RBP2: variants seen among roughly 807,000 people sequenced by gnomAD.
RBP2 encodes the protein retinol binding protein 2.
A neutral mutation model predicts 17.0 loss-of-function variants in RBP2; 17 were observed. That is an observed-to-expected ratio of 1.00 (90% CI 0.68 to 1.50). The LOEUF is 1.50. Among genes scored for constraint, RBP2 ranks in the 40% most tolerant of loss-of-function variants. RBP2 has a pLI of 0.00. For synonymous variants in RBP2, 48 were observed against 57.1 expected (o/e 0.84, Z 0.72); for missense variants, 158 against 168.2 (o/e 0.94, Z 0.33).
chr3:139,471,970 T>G (rs1387213102), intron 1 of RBP2, among the ~76,000 whole-genome samples: 1 of 152,228 alleles, frequency 6.6e-6, no homozygotes, highest in Non-Finnish European at 1.5e-5. Flanking sequence ...GCACACTGAC[T>G]TAAAGATCCT....
At chr3:139,471,186 C>T (rs941896414) in intron 1 of RBP2, among the ~76,000 whole-genome samples, 2 of 152,202 alleles carry the variant, frequency 1.3e-5, no homozygotes, top group African/African-American at 4.8e-5. Context: ...CCTGATTTGT[C>T]ATAGGTGCTC....
chr3:139,455,831 CT>C (rs1167366163), intron 2 of RBP2, among the ~76,000 whole-genome samples: 1 of 152,232 alleles, frequency 6.6e-6, no homozygotes, highest in Non-Finnish European at 1.5e-5. Context: ...AGAACATGTG[CT>C]GAACAGCCAG....
intron 1 of RBP2, among the ~76,000 whole-genome samples, chr3:139,469,342 G>A (rs1933470801): frequency 6.6e-6 from 1 of 152,096 alleles, no homozygotes; most frequent in Admixed American, 6.5e-5. Context: ...GGCACCGGGG[G>A]CAGGCTGGAG....
chr3:139,456,284 T>C (rs1485157227), intron 2 of RBP2, among the ~76,000 whole-genome samples: 1 of 152,144 alleles, frequency 6.6e-6, no homozygotes, highest in African/African-American at 2.4e-5. Context: ...CCTTGTACAT[T>C]TGGGCCTGTT....
chr3:139,456,701 A>G (rs1040464746), intron 2 of RBP2, among the ~76,000 whole-genome samples: 5 of 152,242 alleles, frequency 3.3e-5, no homozygotes, highest in African/African-American at 1.2e-4. Flanking sequence ...GGCTGGGGCT[A>G]GGATAGAAAG....
intron 1 of RBP2, among the ~76,000 whole-genome samples, chr3:139,464,937 T>G (rs538020310): frequency 6.6e-6 from 1 of 152,332 alleles, no homozygotes; most frequent in East Asian, 1.9e-4. Flanking sequence ...ACTTTGTCCA[T>G]AGGAGGCTGT....
chr3:139,465,432 A>T (rs755222240), intron 1 of RBP2, among the ~76,000 whole-genome samples: 21 of 152,122 alleles, frequency 1.4e-4, no homozygotes, highest in Non-Finnish European at 2.5e-4. Flanking sequence ...GTTTTATTTT[A>T]TCCTCATTTT....
chr3:139,470,475 C>T (rs1254780272), intron 1 of RBP2, among the ~76,000 whole-genome samples: 2 of 151,976 alleles, frequency 1.3e-5, no homozygotes, highest in East Asian at 3.9e-4. Context: ...CAATCTTGCC[C>T]TCCTATGATT....
chr3:139,468,443 G>C (rs2107879219), intron 1 of RBP2, among the ~76,000 whole-genome samples: 1 of 152,284 alleles, frequency 6.6e-6, no homozygotes, highest in East Asian at 1.9e-4. Flanking sequence ...AGTGCCGGGG[G>C]AATCTTATTA....
At chr3:139,456,023 A>G (rs1932942787) in intron 2 of RBP2, among the ~76,000 whole-genome samples, 1 of 152,206 alleles carries the variant, frequency 6.6e-6, no homozygotes, top group Non-Finnish European at 1.5e-5. Flanking sequence ...CTACAGGGCC[A>G]ACCACTTCTG....
At chr3:139,464,382 C>T (rs1048852292) in intron 1 of RBP2, among the ~76,000 whole-genome samples, 14 of 152,038 alleles carry the variant, frequency 9.2e-5, no homozygotes, top group South Asian at 2.1e-4. Context: ...CACTTGAACC[C>T]GGGAGGCGGA....
rs143132545 is a variant in RBP2 at position 139,467,011 on chromosome 3, C to T, written c.74-4721G>A. On this transcript the variant is annotated intron_variant, in intron 1 of 3. Transcript: ENST00000232217. ...CTGCCAACAGTACTTAGCATTTCCC[C>T]CTGCATTTTTCATGGAGTTGGTTAT... Among the ~76,000 whole-genome samples, 1,109 of 152,294 alleles carry T rather than the reference C, an allele frequency of 7.3e-3. 11 individuals carry two copies. The highest frequency in any genetic ancestry group is 7.8e-3 in the Non-Finnish European group (528 of 68,022).
intron 1 of RBP2, among the ~76,000 whole-genome samples, chr3:139,462,574 C>CACACACACACACACACACACAT (rs1484439023): frequency 6.6e-6 from 1 of 151,372 alleles, no homozygotes; most frequent in African/African-American, 2.4e-5. Flanking sequence ...CACACACACA[C>CACACACACACACACACACACAT]ACACACACAC....
chr3:139,469,687 G>GTCTA (rs543597083), intron 1 of RBP2, among the ~76,000 whole-genome samples: 11,803 of 132,816 alleles, frequency 0.089, 519 homozygotes, highest in Admixed American at 0.1. Context: ...CTGTCTGTCT[G>GTCTA]TCTATCTATC....
In RBP2 at chr3:139,476,331, C is replaced by T. The variant is rs367771137; in HGVS notation, c.73+56G>A. The T allele has an allele frequency of 2.7e-6, 4 of 1,495,338 alleles. No homozygotes were observed. The South Asian group carries it at 3.5e-5, about 13-fold the overall frequency. The allele number at this position is 1,495,338 out of a possible 1,614,324, so 92.6% of individuals were successfully genotyped here. On this transcript the variant is annotated intron_variant, in intron 1 of 3. Coordinates refer to ENST00000232217, the MANE Select transcript of RBP2 (RefSeq NM_004164.3). ...TCCATAGCAGCACTGTCTGGAGGGC[C>T]AGACCACAGTACTCCCAACAACAGC...
chr3:139,460,217 A>G (rs909818036), intron 2 of RBP2, among the ~76,000 whole-genome samples: 4 of 152,220 alleles, frequency 2.6e-5, no homozygotes, highest in African/African-American at 9.6e-5. Context: ...TTTCCTAGCA[A>G]TTCTGGTGTC....
chr3:139,462,431 T>TA (rs1396450830), intron 1 of RBP2, 141 bp from the exon 2 acceptor site: 3 of 887,204 alleles, frequency 3.4e-6, no homozygotes, highest in Non-Finnish European at 5.2e-6. Flanking sequence ...ACAAGCATCT[T>TA]ACTCGTGGCC....
At chr3:139,467,142 T>C (rs1241131522) in intron 1 of RBP2, among the ~76,000 whole-genome samples, 1 of 152,146 alleles carries the variant, frequency 6.6e-6, no homozygotes, top group African/African-American at 2.4e-5. Flanking sequence ...GCTAGGCAAA[T>C]AGTAGGTACT....
At chr3:139,460,519 G>T (rs1933149973) in intron 2 of RBP2, among the ~76,000 whole-genome samples, 1 of 152,122 alleles carries the variant, frequency 6.6e-6, no homozygotes, top group South Asian at 2.1e-4. Context: ...GCTTTTAATT[G>T]TCACCAAATA....
Sources: allele counts gnomAD v4.1 joint callset (sites outside exome capture counted in the v4.1 genomes callset), GRCh38; gene constraint gnomAD v4.1.1; transcripts MANE v1.5; gene names NCBI Gene and HGNC (gene_info 2026-07-23, HGNC 2026-07-21).